ABCG8: variants seen among roughly 807,000 people sequenced by gnomAD.
The protein encoded by ABCG8 is ATP-binding cassette sub-family G member 8.
Under a neutral mutation model 71.3 loss-of-function variants are expected in ABCG8, and 81 were observed. The observed-to-expected ratio is 1.14, with a 90% confidence interval of 0.95 to 1.37. ABCG8 has a LOEUF of 1.37. Ranked by LOEUF, ABCG8 falls within the 40% of genes most tolerant of loss-of-function variation. ABCG8 has a pLI of 0.00. For synonymous variants in ABCG8, 451 were observed against 354.7 expected (o/e 1.27, Z -3.05); for missense variants, 1,119 against 866.2 (o/e 1.29, Z -3.66).
intron 2 of ABCG8, 115 bp downstream of exon 2, chr2:43,844,723 A>G (rs2104910863): frequency 1.3e-6 from 1 of 763,330 alleles, no homozygotes; most frequent in East Asian, 2.7e-5. Flanking sequence ...GCAAGGACAG[A>G]GTCCAGTCCA....
chr2:43,847,333 C>G (rs1668775304), intron 3 of ABCG8: 1 of 152,158 alleles, frequency 6.6e-6, no homozygotes, highest in Non-Finnish European at 1.5e-5. Context: ...TATAAATGCA[C>G]TTTGTAACTG....
At position 43,851,840 on chromosome 2, in the gene ABCG8, G is replaced by T. The variant is rs886168715; in HGVS notation, c.561+18G>T. 6.2e-7 allele frequency: 1 copy of T among 1,613,064 alleles called. No individual in the cohort carries two copies. Among genetic ancestry groups the T allele is most frequent in the Non-Finnish European group, 8.5e-7 (1 of 1,179,492 alleles). Reference sequence around the variant, plus strand: ...ACAAAAGGGTAACTAACTGGCCCCAGTGGTGACCCCCAGGTCCAAGAAGCT... The same window carrying T: ...ACAAAAGGGTAACTAACTGGCCCCATTGGTGACCCCCAGGTCCAAGAAGCT... On this transcript the variant is annotated intron_variant, in intron 4 of 12. Coordinates refer to ENST00000272286, the MANE Select transcript of ABCG8 (RefSeq NM_022437.3).
rs1359012257 is a variant in ABCG8, at chr2:43,880,174, T to TTTC, written c.*2263_*2264insCTT. 5.9e-5 allele frequency: 2 copies of TTTC among 33,960 alleles called. No individual in the cohort carries two copies. Among genetic ancestry groups the TTTC allele is most frequent in the Non-Finnish European group, 1.2e-4 (2 of 16,688 alleles). 2.1% of individuals were successfully genotyped at this position (33,960 alleles called of 1,614,324 possible). A position where few individuals can be genotyped will look rare whatever the true frequency, so the allele number is the denominator to read the frequency against. ...CCAAGAGTTTCAGGCTCATTTTTTG[T>TTTC]TTTGTTTTTTTTTTTTTGAGACAGA... On this transcript the variant is annotated 3_prime_UTR_variant, in exon 13 of 13. Transcript: ENST00000272286.
At chr2:43,872,709 A>G (rs1351807492) in intron 8 of ABCG8, among the ~76,000 whole-genome samples, 1 of 152,178 alleles carries the variant, frequency 6.6e-6, no homozygotes, top group East Asian at 1.9e-4. Flanking sequence ...ACCCCATCTC[A>G]AAAAAAGGAA....
intron 1 of ABCG8, among the ~76,000 whole-genome samples, chr2:43,843,669 T>A (rs572705473): frequency 2.0e-4 from 30 of 152,108 alleles, no homozygotes; most frequent in African/African-American, 7.2e-4. Context: ...AAAGAAATGA[T>A]GGGGGACTTC....
At chr2:43,868,560 C>A (rs994688143) in intron 6 of ABCG8, among the ~76,000 whole-genome samples, 5 of 152,190 alleles carry the variant, frequency 3.3e-5, no homozygotes, top group Non-Finnish European at 4.4e-5. Flanking sequence ...AGAATTCTGA[C>A]CAGCTGGAGA....
chr2:43,876,617 CTG>C (rs1326280137), intron 11 of ABCG8, among the ~76,000 whole-genome samples: 3 of 149,544 alleles, frequency 2.0e-5, no homozygotes, highest in Non-Finnish European at 3.0e-5. Flanking sequence ...ATGCAGGAGA[CTG>C]TGAGAATATG....
At chr2:43,875,028 A>G in intron 10 of ABCG8, 118 bp from the exon 11 acceptor site, 1 of 1,428,264 alleles carries the variant, frequency 7.0e-7, no homozygotes, top group Non-Finnish European at 9.7e-7. Context: ...CTCCTGCCAC[A>G]GCCTCATCAT....
Position 43,879,965 on chromosome 2 carries a change from A to T in ABCG8, c.*2052A>T, listed in dbSNP as rs1032292364. 6.6e-6 allele frequency: 1 copy of T among 151,920 alleles called. No individual in the cohort carries two copies. The highest frequency in any genetic ancestry group is 1.5e-5 in the Non-Finnish European group (1 of 67,984). The allele number at this position is 151,920 out of a possible 1,614,324, so 9.4% of individuals were successfully genotyped here. On this transcript the variant is annotated 3_prime_UTR_variant, in exon 13 of 13. Coordinates refer to ENST00000272286, the MANE Select transcript of ABCG8 (RefSeq NM_022437.3). ...AAACTATGTAAATTGTAAACTTTCC[A>T]TTTATGCATTTTAAAATTTTGATTG...
At chr2:43,842,242 G>T (rs1668603529) in intron 1 of ABCG8, among the ~76,000 whole-genome samples, 1 of 152,080 alleles carries the variant, frequency 6.6e-6, no homozygotes, top group African/African-American at 2.4e-5. Context: ...TGAACTCCTG[G>T]CCTCAGGTGA....
chr2:43,851,888 C>A, intron 4 of ABCG8, 66 bp downstream of exon 4: 4 of 1,549,538 alleles, frequency 2.6e-6, no homozygotes, highest in Non-Finnish European at 3.5e-6. Flanking sequence ...CCCCGCTCCT[C>A]CCCTGCTGCC....
chr2:43,851,478 A>G (rs1439395511), intron 3 of ABCG8, 106 bp from the exon 4 acceptor site: 1 of 1,296,778 alleles, frequency 7.7e-7, no homozygotes, highest in Non-Finnish European at 1.1e-6. Context: ...TCACATCTGC[A>G]CGGACAGAGT....
chr2:43,861,596 G>A (rs1669321756), intron 6 of ABCG8, among the ~76,000 whole-genome samples: 1 of 150,958 alleles, frequency 6.6e-6, no homozygotes, highest in African/African-American at 2.4e-5. Context: ...CATCTGGATA[G>A]AACTCTCATT....
intron 2 of ABCG8, among the ~76,000 whole-genome samples, chr2:43,844,839 A>G (rs1027436230): frequency 6.6e-5 from 10 of 152,158 alleles, no homozygotes; most frequent in African/African-American, 2.4e-4. Flanking sequence ...ATAAACATAA[A>G]ACAAAATGCG....
intron 11 of ABCG8, among the ~76,000 whole-genome samples, chr2:43,876,043 C>G (rs1669948504): frequency 6.6e-6 from 1 of 152,180 alleles, no homozygotes; most frequent in South Asian, 2.1e-4. Context: ...GGCTCATTGC[C>G]TCCTTCCCCT....
Position 43,877,900 on chromosome 2 carries a change from GTCAAGACTGGTGATTC to G in ABCG8, c.2010_*3del. On this transcript the variant is annotated stop_lost and 3_prime_UTR_variant, in exon 13 of 13. Coordinates refer to ENST00000272286, the MANE Select transcript of ABCG8 (RefSeq NM_022437.3). The stretch of plus-strand genomic sequence containing the variant: ...TTAAGGTTCATCAAACAGAAACCAA[GTCAAGACTGGTGATTC>G]ACGCCAGACGTCTGCCCGCTGGTGG... 6.2e-7 allele frequency: 1 copy of G among 1,614,134 alleles called. No individual in the cohort carries two copies.
intron 6 of ABCG8, among the ~76,000 whole-genome samples, chr2:43,871,705 G>A (rs1324621638): frequency 6.6e-6 from 1 of 152,184 alleles, no homozygotes; most frequent in Non-Finnish European, 1.5e-5. Flanking sequence ...GGACTTGGGC[G>A]GGGCCTCTAC....
At chr2:43,866,383 G>C (rs912403349) in intron 6 of ABCG8, among the ~76,000 whole-genome samples, 2 of 151,968 alleles carry the variant, frequency 1.3e-5, no homozygotes, top group African/African-American at 2.4e-5. Flanking sequence ...CACAGCAAAA[G>C]AAACTACCAT....
At chr2:43,841,462 A>C (rs998936887) in intron 1 of ABCG8, among the ~76,000 whole-genome samples, 3 of 152,232 alleles carry the variant, frequency 2.0e-5, no homozygotes, top group African/African-American at 7.2e-5. Context: ...AGTTTGTCAA[A>C]ACCTCAGGAA....
Sources: allele counts gnomAD v4.1 joint callset (sites outside exome capture counted in the v4.1 genomes callset), GRCh38; gene constraint gnomAD v4.1.1; transcripts MANE v1.5; gene names NCBI Gene and HGNC (gene_info 2026-07-23, HGNC 2026-07-21).